LRRC7: variants seen among roughly 807,000 people sequenced by gnomAD.
LRRC7 encodes leucine rich repeat containing 7.
Under a neutral mutation model 175.7 loss-of-function variants are expected in LRRC7, and 23 were observed. The observed-to-expected ratio is 0.13, with a 90% CI of 0.09 to 0.19. The LOEUF is 0.19. LRRC7 is among the 10% of genes least tolerant of loss of function. The pLI is 1.00. For synonymous variants in LRRC7, 685 were observed against 680.9 expected (o/e 1.01, Z -0.09); for missense variants, 1,354 against 1,904.7 (o/e 0.71, Z 5.38).
intron 1 of LRRC7, among the ~76,000 whole-genome samples, chr1:69,623,694 G>A (rs1651021419): frequency 6.6e-6 from 1 of 152,012 alleles, no homozygotes; most frequent in Admixed American, 6.6e-5. Context: ...GGGATTACAG[G>A]CATGCACCAG....
chr1:70,045,287 C>G (rs1660241311), intron 22 of LRRC7, among the ~76,000 whole-genome samples: 1 of 152,032 alleles, frequency 6.6e-6, no homozygotes, highest in Non-Finnish European at 1.5e-5. Context: ...AAAGACAAGG[C>G]CTTGATTTGT....
chr1:69,689,042 G>A (rs1570365362), intron 2 of LRRC7, among the ~76,000 whole-genome samples: 1 of 152,250 alleles, frequency 6.6e-6, no homozygotes, highest in South Asian at 2.1e-4. Context: ...TGACTTCCAG[G>A]CACCTATAAA....
At chr1:69,777,707 C>T (rs1355210495) in intron 3 of LRRC7, among the ~76,000 whole-genome samples, 2 of 152,152 alleles carry the variant, frequency 1.3e-5, no homozygotes, top group Non-Finnish European at 2.9e-5. Flanking sequence ...CACATCAAAT[C>T]AACAGCCAAG....
At chr1:69,807,568 C>A (rs1436809303) in intron 4 of LRRC7, among the ~76,000 whole-genome samples, 1 of 152,066 alleles carries the variant, frequency 6.6e-6, no homozygotes, top group Non-Finnish European at 1.5e-5. Context: ...GCTAGTTTGG[C>A]TGGACATGAA....
At chr1:69,982,030 C>A (rs1240605484) in intron 9 of LRRC7, among the ~76,000 whole-genome samples, 1 of 152,188 alleles carries the variant, frequency 6.6e-6, no homozygotes, top group Non-Finnish European at 1.5e-5. Context: ...GTAAAGCTCC[C>A]AAAGGCTCTC....
intron 1 of LRRC7, among the ~76,000 whole-genome samples, chr1:69,653,509 T>C (rs1570185600): frequency 6.6e-6 from 1 of 151,998 alleles, no homozygotes; most frequent in East Asian, 1.9e-4. Flanking sequence ...AAGAAAACTG[T>C]TAGCAGGGAT....
At chr1:69,722,863 T>C (rs1666515647) in intron 2 of LRRC7, among the ~76,000 whole-genome samples, 1 of 152,102 alleles carries the variant, frequency 6.6e-6, no homozygotes, top group Non-Finnish European at 1.5e-5. Flanking sequence ...GTATACACCA[T>C]ACTGTTTGTA....
intron 26 of LRRC7, among the ~76,000 whole-genome samples, chr1:70,115,166 GA>G (rs1336492548): frequency 6.6e-6 from 1 of 152,054 alleles, no homozygotes; most frequent in Non-Finnish European, 1.5e-5. Flanking sequence ...GTTTTTAAAG[GA>G]AAAAATAAGG....
chr1:70,067,820 A>G (rs1255166883), intron 23 of LRRC7, among the ~76,000 whole-genome samples: 4 of 152,104 alleles, frequency 2.6e-5, no homozygotes, highest in Admixed American at 6.5e-5. Context: ...TCAGCTTATA[A>G]GTTTTATACA....
intron 2 of LRRC7, among the ~76,000 whole-genome samples, chr1:69,714,901 C>T (rs961372449): frequency 6.6e-6 from 1 of 152,172 alleles, no homozygotes; most frequent in African/African-American, 2.4e-5. Context: ...TCTGCCTAAA[C>T]ACATCATTTG....
chr1:69,689,230 A>G (rs1023490033), intron 2 of LRRC7, among the ~76,000 whole-genome samples: 3 of 152,118 alleles, frequency 2.0e-5, no homozygotes, highest in East Asian at 1.9e-4. Flanking sequence ...TCAACCTTAA[A>G]CGACTGTTAG....
At position 70,024,421 on chromosome 1, in the gene LRRC7, G is replaced by C. The variant is rs769950914; in HGVS notation, c.1794+1047G>C. On this transcript the variant is annotated intron_variant, in intron 17 of 26. Transcript: ENST00000651989. ...AATTTTTGGGGGTCTCCAACATCTT[G>C]CAGCTGCTATTTGCATTTACTGCAC... is the stretch of plus-strand genomic sequence containing the variant. Among the ~76,000 whole-genome samples the C allele has an allele frequency of 6.7e-4, 101 of 151,720 alleles. 1 individual carries two copies. Among genetic ancestry groups the C allele is most frequent in the Non-Finnish European group, 4.6e-4 (31 of 67,890 alleles).
intron 11 of LRRC7, among the ~76,000 whole-genome samples, chr1:70,005,125 T>C (rs1029490292): frequency 2.0e-5 from 3 of 152,128 alleles, no homozygotes; most frequent in African/African-American, 7.2e-5. Flanking sequence ...TATTTACTCT[T>C]CATTGAAACT....
intron 26 of LRRC7, among the ~76,000 whole-genome samples, chr1:70,114,411 C>T (rs1362316106): frequency 6.6e-6 from 1 of 152,140 alleles, no homozygotes; most frequent in Non-Finnish European, 1.5e-5. Flanking sequence ...CACCTGTAAT[C>T]CCAGTGCTTT....
At chr1:69,887,484 C>G (rs1193717774) in intron 7 of LRRC7, among the ~76,000 whole-genome samples, 8 of 146,018 alleles carry the variant, frequency 5.5e-5, no homozygotes, top group Non-Finnish European at 7.5e-5. Context: ...CCTTTAAGCA[C>G]TTCTCTCTAT....
At chr1:69,760,622 T>C (rs1055935400) in intron 3 of LRRC7, among the ~76,000 whole-genome samples, 19 of 152,066 alleles carry the variant, frequency 1.2e-4, no homozygotes, top group Non-Finnish European at 1.9e-4. Context: ...CACCATTTGA[T>C]GGATTATGCC....
At chr1:70,009,095 A>G (rs1656246652) in intron 11 of LRRC7, among the ~76,000 whole-genome samples, 1 of 152,152 alleles carries the variant, frequency 6.6e-6, no homozygotes, top group Non-Finnish European at 1.5e-5. Flanking sequence ...TAACTTCAAT[A>G]CATGTTTTTA....
intron 1 of LRRC7, among the ~76,000 whole-genome samples, chr1:69,626,194 A>T (rs567832946): frequency 6.6e-6 from 1 of 152,118 alleles, no homozygotes; most frequent in Non-Finnish European, 1.5e-5. Flanking sequence ...ACCCTCAGGA[A>T]CATCTTGCTT....
chr1:70,038,820 A>G lies in LRRC7; in HGVS notation c.2996A>G (p.Tyr999Cys). 1 of 1,614,108 alleles carries G rather than the reference A, an allele frequency of 6.2e-7. No homozygotes were observed. The highest frequency in any genetic ancestry group is 8.5e-7 in the Non-Finnish European group (1 of 1,180,000). ...ATTGACATTGGTACATATAAGGTGT[A>G]TAACATACCATTAGAAAACTATGCT... is the stretch of plus-strand genomic sequence containing the variant. Reference protein sequence around the residue: ...DEIDIGTYKVYNIPLENYASG... With the variant: ...DEIDIGTYKVCNIPLENYASG... Residue 999 changes from tyrosine (Y) to cysteine (C), a missense_variant, in exon 21 of 27, where the codon TAT (tyrosine) becomes TGT (cysteine). Tyr to Cys is a radical substitution (Grantham distance 194, BLOSUM62 -2). Coordinates refer to ENST00000651989, the MANE Select transcript of LRRC7 (RefSeq NM_001370785.2).
Sources: gnomAD v4.1 joint callset for allele counts (sites outside exome capture counted in the v4.1 genomes callset) on GRCh38, gnomAD v4.1.1 for gene constraint, MANE v1.5 for transcripts, NCBI Gene and HGNC (gene_info 2026-07-23, HGNC 2026-07-21) for gene names.